Variants in ROBO2 observed in about 807,000 individuals in gnomAD.
ROBO2 encodes the protein roundabout homolog 2.
ROBO2 carries 53 observed loss-of-function variants against 160.8 expected under a neutral mutation model. That is an observed-to-expected ratio of 0.33 (90% CI 0.26 to 0.41). The LOEUF is 0.41. Ranked by LOEUF, ROBO2 falls within the 10% of genes least tolerant of loss-of-function variation. The pLI is 1.00. For missense variants in ROBO2, 1,577 were observed against 1,722.4 expected (o/e 0.92, Z 1.49); for synonymous variants, 664 against 611.7 (o/e 1.09, Z -1.26).
chr3:77,087,746 GTACATATACATATGTGTGTA>G (rs1304919598), intron 1 of ROBO2, among the ~76,000 whole-genome samples: 1 of 151,392 alleles, frequency 6.6e-6, no homozygotes, highest in East Asian at 1.9e-4. Flanking sequence ...ATATGTGTGT[GTACATATACATATGTGTGTA>G]TACATGTATA....
intron 2 of ROBO2, among the ~76,000 whole-genome samples, chr3:77,139,290 C>A (rs1391600660): frequency 6.6e-6 from 1 of 152,024 alleles, no homozygotes; most frequent in East Asian, 1.9e-4. Context: ...TTGTATTATA[C>A]CTCCAAAATC....
chr3:76,789,038 T>C (rs1485636871), intron 2 of ROBO2, among the ~76,000 whole-genome samples: 1 of 151,462 alleles, frequency 6.6e-6, no homozygotes, highest in African/African-American at 2.4e-5. Flanking sequence ...TACATGCTTG[T>C]AGGCCACTTT....
intron 2 of ROBO2, among the ~76,000 whole-genome samples, chr3:77,373,583 C>T (rs73842839): frequency 0.019 from 2,824 of 151,932 alleles, 73 homozygotes; most frequent in African/African-American, 0.065. Flanking sequence ...ATCAAAATTG[C>T]GAGTGAGTAC....
At chr3:77,218,991 G>T (rs746069553) in intron 2 of ROBO2, among the ~76,000 whole-genome samples, 1 of 152,070 alleles carries the variant, frequency 6.6e-6, no homozygotes, top group Non-Finnish European at 1.5e-5. Context: ...TTGTTGAGAT[G>T]GAGTCTTGCT....
intron 2 of ROBO2, among the ~76,000 whole-genome samples, chr3:77,244,338 AGTT>A (rs1169117194): frequency 2.0e-5 from 3 of 152,226 alleles, no homozygotes; most frequent in Non-Finnish European, 4.4e-5. Flanking sequence ...GGAAGACAGT[AGTT>A]GTCAGGAAAA....
At chr3:76,457,596 C>T (rs1335840554) in intron 2 of ROBO2, among the ~76,000 whole-genome samples, 1 of 152,190 alleles carries the variant, frequency 6.6e-6, no homozygotes, top group Non-Finnish European at 1.5e-5. Flanking sequence ...CTCACAGCTC[C>T]ACTAGGCAGT....
chr3:76,544,493 T>A (rs994755715), intron 2 of ROBO2, among the ~76,000 whole-genome samples: 1 of 152,084 alleles, frequency 6.6e-6, no homozygotes, highest in Non-Finnish European at 1.5e-5. Context: ...AGCCATTTCT[T>A]TTTTTGGCTT....
intron 2 of ROBO2, among the ~76,000 whole-genome samples, chr3:77,476,614 A>G (rs2084041148): frequency 6.6e-6 from 1 of 152,178 alleles, no homozygotes; most frequent in Admixed American, 6.5e-5. Context: ...GGGCTGAGCC[A>G]TCTCTCCAGG....
chr3:76,216,896 C>T (rs1315663431), intron 2 of ROBO2, among the ~76,000 whole-genome samples: 4 of 152,148 alleles, frequency 2.6e-5, no homozygotes. Flanking sequence ...CCAAAACTGA[C>T]CACATAGTTG....
intron 12 of ROBO2, among the ~76,000 whole-genome samples, chr3:77,567,026 T>A (rs926215596): frequency 6.6e-6 from 1 of 151,950 alleles, no homozygotes; most frequent in African/African-American, 2.4e-5. Context: ...TTAATGTTAT[T>A]CACATAAAGG....
chr3:75,983,173 A>G (rs1415408569), intron 2 of ROBO2, among the ~76,000 whole-genome samples: 2 of 151,488 alleles, frequency 1.3e-5, no homozygotes, highest in African/African-American at 2.4e-5. Context: ...TTTTCCTTAG[A>G]AAAAAGTGCA....
At chr3:77,623,367 A>G (rs2094939350) in intron 23 of ROBO2, among the ~76,000 whole-genome samples, 1 of 152,152 alleles carries the variant, frequency 6.6e-6, no homozygotes, top group African/African-American at 2.4e-5. Flanking sequence ...ATATTTTACC[A>G]CAATCCCGCT....
At position 77,568,433 on chromosome 3, in the gene ROBO2, CG is replaced by C; in HGVS notation, c.1971+1del. On this transcript the variant is annotated frameshift_variant and splice_region_variant, in exon 13 of 26. Coordinates refer to ENST00000461745, the Ensembl canonical transcript of ROBO2. LOFTEE classifies it high-confidence loss of function. Reference sequence around the variant, plus strand: ...CCCACCACGGTTCAGGTCACATGGACGGTAAGCTTTCAAAGGCAATGTTAAT... The same window carrying C: ...CCCACCACGGTTCAGGTCACATGGACGTAAGCTTTCAAAGGCAATGTTAAT... The C allele has an allele frequency of 6.2e-7, 1 of 1,612,608 alleles. No individual in the cohort carries two copies. The highest frequency in any genetic ancestry group is 8.5e-7 in the Non-Finnish European group (1 of 1,179,138).
At chr3:76,801,313 A>G (rs959078293) in intron 2 of ROBO2, among the ~76,000 whole-genome samples, 1 of 152,216 alleles carries the variant, frequency 6.6e-6, no homozygotes, top group Non-Finnish European at 1.5e-5. Flanking sequence ...GATAAAAAGC[A>G]TATAGTTATA....
At chr3:76,582,928 T>C (rs1360641110) in intron 2 of ROBO2, among the ~76,000 whole-genome samples, 1 of 151,470 alleles carries the variant, frequency 6.6e-6, no homozygotes, top group Non-Finnish European at 1.5e-5. Flanking sequence ...ACTTCTTTGC[T>C]ACATAGAGAG....
intron 2 of ROBO2, among the ~76,000 whole-genome samples, chr3:76,096,104 C>T: frequency 6.6e-6 from 1 of 152,148 alleles, no homozygotes; most frequent in East Asian, 1.9e-4. Context: ...CAATAATCTC[C>T]TCATGTGTGC....
At chr3:77,565,261 G>A (rs1296664180) in intron 12 of ROBO2, 141 bp downstream of exon 13, 7 of 1,012,836 alleles carry the variant, frequency 6.9e-6, no homozygotes, top group Non-Finnish European at 1.1e-5. Flanking sequence ...GGAAGGAGAA[G>A]GTAGCTTGCT....
chr3:76,844,021 T>C (rs2068546085), intron 2 of ROBO2, among the ~76,000 whole-genome samples: 1 of 152,030 alleles, frequency 6.6e-6, no homozygotes, highest in Non-Finnish European at 1.5e-5. Flanking sequence ...TTAATGTGTT[T>C]AGGTTATTTT....
chr3:76,819,325 C>T (rs1409680562), intron 2 of ROBO2, among the ~76,000 whole-genome samples: 1 of 152,026 alleles, frequency 6.6e-6, no homozygotes, highest in African/African-American at 2.4e-5. Flanking sequence ...AGGCCATGAA[C>T]AAATCTGTTG....
Sources: gnomAD v4.1 joint callset for allele counts (sites outside exome capture counted in the v4.1 genomes callset) on GRCh38, gnomAD v4.1.1 for gene constraint, MANE v1.5 for transcripts, NCBI Gene and HGNC (gene_info 2026-07-23, HGNC 2026-07-21) for gene names.